Variants in IRAK1BP1 observed in about 807,000 individuals in gnomAD.
IRAK1BP1 encodes the protein interleukin 1 receptor associated kinase 1 binding protein 1.
A neutral mutation model predicts 28.0 loss-of-function variants in IRAK1BP1; 24 were observed. The ratio of observed to expected loss-of-function variants is 0.86; its 90% confidence interval spans 0.62 to 1.20. The LOEUF is 1.20. Among genes scored for constraint, IRAK1BP1 ranks in the 50% most tolerant of loss-of-function variants. The pLI is 0.00. For synonymous variants in IRAK1BP1, 131 were observed against 116.3 expected, an observed-to-expected ratio of 1.13 and a Z score of -0.81; for missense variants, 336 against 316.7, an observed-to-expected ratio of 1.06 and a Z score of -0.46.
chr6:78,977,887 T>G, the IRAK1BP1 span, among the ~76,000 whole-genome samples: 9 of 152,160 alleles, frequency 5.9e-5, no homozygotes, highest in Admixed American at 5.9e-4. Context: ...AAGTGTCAAT[T>G]ACCACTTTAT....
At chr6:78,972,649 G>A in the IRAK1BP1 span, among the ~76,000 whole-genome samples, 2,338 of 152,228 alleles carry the variant, frequency 0.015, 64 homozygotes, top group African/African-American at 0.053. Context: ...AGAAGAATGT[G>A]TAACTAGAAT....
At chr6:78,912,213 C>T (rs1048967501) in intron 4 of IRAK1BP1, among the ~76,000 whole-genome samples, 1 of 151,888 alleles carries the variant, frequency 6.6e-6, no homozygotes, top group African/African-American at 2.4e-5. Flanking sequence ...ATAAGAGATT[C>T]GTTTTTACAT....
intron 2 of IRAK1BP1, among the ~76,000 whole-genome samples, chr6:78,890,198 A>C (rs1582012179): frequency 6.6e-6 from 1 of 151,576 alleles, no homozygotes; most frequent in Non-Finnish European, 1.5e-5. Flanking sequence ...CATGTTCTCA[A>C]TCATAAGTGG....
At chr6:78,868,258 ATTTTG>A (rs1298917667) in intron 1 of IRAK1BP1, among the ~76,000 whole-genome samples, 1 of 152,148 alleles carries the variant, frequency 6.6e-6, no homozygotes, top group Non-Finnish European at 1.5e-5. Flanking sequence ...GACACTAAAT[ATTTTG>A]TTTTGTTTTG....
Position 78,900,917 on chromosome 6 carries a change from G to A in IRAK1BP1, c.*2583G>A, listed in dbSNP as rs1022231333. 2.0e-5 allele frequency: 3 copies of A among 151,948 alleles called. No homozygotes were observed. The highest frequency in any genetic ancestry group is 4.4e-5 in the Non-Finnish European group (3 of 67,980). The allele number at this position is 151,948 out of a possible 1,614,324, so 9.4% of individuals were successfully genotyped here. A position where few individuals can be genotyped will look rare whatever the true frequency, so the allele number is the denominator to read the frequency against. ...GTTGGCTTTTCCAAATCCTCCATTA[G>A]GAAGAATTTTTAAATAGCCATATTG... On this transcript the variant is annotated 3_prime_UTR_variant, in exon 4 of 4. Coordinates refer to ENST00000369940, the MANE Select transcript of IRAK1BP1 (RefSeq NM_001010844.4).
chr6:78,894,033 A>C lies in IRAK1BP1; in HGVS notation c.382-3796A>C, dbSNP rs142694520. ...GAAGAACAGAAGTACAGTGTTATAA[A>C]CTTCTTATATGTGAAATGATATGCT... is the stretch of plus-strand genomic sequence containing the variant. On this transcript the variant is annotated intron_variant, in intron 2 of 3. Coordinates refer to ENST00000369940, the MANE Select transcript of IRAK1BP1 (RefSeq NM_001010844.4). Among the ~76,000 whole-genome samples the C allele has an allele frequency of 1.7e-3, 266 of 152,348 alleles. 1 individual carries two copies. The highest frequency in any genetic ancestry group is 6.1e-3 in the African/African-American group (252 of 41,584).
At chr6:78,870,288 T>C (rs900689070) in intron 1 of IRAK1BP1, among the ~76,000 whole-genome samples, 1 of 151,980 alleles carries the variant, frequency 6.6e-6, no homozygotes, top group Non-Finnish European at 1.5e-5. Flanking sequence ...AAATTCACCT[T>C]CTTGGCATTC....
chr6:78,945,073 GATTT>G (rs1426914934), intron 4 of IRAK1BP1, among the ~76,000 whole-genome samples: 8 of 151,254 alleles, frequency 5.3e-5, no homozygotes, highest in African/African-American at 7.3e-5. Context: ...AAACTTTGAA[GATTT>G]ATTTCTTTTT....
At chr6:78,953,274 G>A in the IRAK1BP1 span, among the ~76,000 whole-genome samples, 7 of 151,928 alleles carry the variant, frequency 4.6e-5, no homozygotes, top group Admixed American at 6.6e-5. Context: ...TCTGGTTTAG[G>A]GTTGGGTTTC....
At chr6:78,978,872 C>T in the IRAK1BP1 span, among the ~76,000 whole-genome samples, 1 of 152,106 alleles carries the variant, frequency 6.6e-6, no homozygotes, top group Non-Finnish European at 1.5e-5. Flanking sequence ...GGTTCCACAT[C>T]CATGCATTCA....
At chr6:78,932,656 T>G (rs1021109501) in intron 4 of IRAK1BP1, among the ~76,000 whole-genome samples, 2 of 152,024 alleles carry the variant, frequency 1.3e-5, no homozygotes, top group African/African-American at 4.8e-5. Flanking sequence ...TGACCTCAGG[T>G]GATCCACCCA....
chr6:78,926,565 T>A (rs1482109301), intron 4 of IRAK1BP1, among the ~76,000 whole-genome samples: 1 of 152,168 alleles, frequency 6.6e-6, no homozygotes, highest in African/African-American at 2.4e-5. Context: ...GTATACACTT[T>A]AAGGAATTTA....
intron 4 of IRAK1BP1, among the ~76,000 whole-genome samples, chr6:78,932,069 C>G (rs1773061324): frequency 6.6e-6 from 1 of 152,232 alleles, no homozygotes; most frequent in Admixed American, 6.5e-5. Context: ...AGAAACTTCG[C>G]TCATCCATAA....
At chr6:78,978,186 G>A in the IRAK1BP1 span, among the ~76,000 whole-genome samples, 1 of 151,824 alleles carries the variant, frequency 6.6e-6, no homozygotes, top group Non-Finnish European at 1.5e-5. Flanking sequence ...TGAACACTGT[G>A]GGTAAACAAA....
At chr6:78,963,611 C>G in the IRAK1BP1 span, among the ~76,000 whole-genome samples, 86 of 152,212 alleles carry the variant, frequency 5.7e-4, no homozygotes, top group Middle Eastern at 3.4e-3. Context: ...CAAGGTAAAA[C>G]TGAACTAAAG....
chr6:78,888,358 A>C (rs968837350), intron 2 of IRAK1BP1, among the ~76,000 whole-genome samples: 2 of 152,194 alleles, frequency 1.3e-5, no homozygotes, highest in Admixed American at 6.5e-5. Context: ...TATCATACAC[A>C]TACACAAAGG....
chr6:78,909,310 T>C (rs542321644), intron 4 of IRAK1BP1, among the ~76,000 whole-genome samples: 3 of 152,352 alleles, frequency 2.0e-5, no homozygotes, highest in African/African-American at 7.2e-5. Context: ...ATTTTCAATT[T>C]ACATTGAGTT....
At chr6:78,968,988 C>T in the IRAK1BP1 span, among the ~76,000 whole-genome samples, 1 of 152,168 alleles carries the variant, frequency 6.6e-6, no homozygotes, top group Non-Finnish European at 1.5e-5. Flanking sequence ...TTTAACTTTT[C>T]CTGTTCTGGA....
At chr6:78,877,914 G>A (rs1478462210) in intron 1 of IRAK1BP1, among the ~76,000 whole-genome samples, 1 of 151,662 alleles carries the variant, frequency 6.6e-6, no homozygotes, top group Admixed American at 6.6e-5. Context: ...GTCTGATATC[G>A]AACTGTAAGG....
Sources: allele counts gnomAD v4.1 joint callset (sites outside exome capture counted in the v4.1 genomes callset), GRCh38; gene constraint gnomAD v4.1.1; transcripts MANE v1.5; gene names NCBI Gene and HGNC (gene_info 2026-07-23, HGNC 2026-07-21).